The following ALG14 variants were observed in gnomAD, a reference collection of about 807,000 sequenced individuals.
ALG14 encodes ALG14 UDP-N-acetylglucosaminyltransferase subunit, also known as UDP-N-acetylglucosamine transferase subunit ALG14.
In ALG14, 17 loss-of-function variants were observed where a neutral mutation model predicts 22.8. The observed-to-expected ratio is 0.75, with a 90% CI of 0.51 to 1.12. The LOEUF is 1.12. ALG14 is among the 50% of genes most tolerant of loss of function. The probability of loss-of-function intolerance (pLI) is 0.00; values close to 1 mark genes in which losing one functional copy is unlikely to be tolerated. For synonymous variants in ALG14, 89 were observed against 103.7 expected (o/e 0.86, Z 0.86); for missense variants, 288 against 271.8 (o/e 1.06, Z -0.42).
intron 3 of ALG14, among the ~76,000 whole-genome samples, chr1:95,017,260 C>A (rs1278585195): frequency 6.6e-6 from 1 of 152,118 alleles, no homozygotes; most frequent in Non-Finnish European, 1.5e-5. Flanking sequence ...TAAGTTCCTA[C>A]ACATCTAACT....
chr1:95,029,248 T>C (rs948439351), intron 2 of ALG14, among the ~76,000 whole-genome samples: 1 of 152,194 alleles, frequency 6.6e-6, no homozygotes, highest in African/African-American at 2.4e-5. Flanking sequence ...TTGGTGTCCT[T>C]AGTTCCTTGC....
chr1:95,035,522 A>C (rs1481609324), intron 2 of ALG14, among the ~76,000 whole-genome samples: 1 of 152,208 alleles, frequency 6.6e-6, no homozygotes, highest in Admixed American at 6.5e-5. Flanking sequence ...AGAGACAAGA[A>C]AAGTAGGATG....
chr1:95,052,471 AT>A (rs1293705913), intron 2 of ALG14, among the ~76,000 whole-genome samples: 1 of 152,226 alleles, frequency 6.6e-6, no homozygotes, highest in African/African-American at 2.4e-5. Context: ...TGAGAAAAAA[AT>A]AAAATAAAAA....
chr1:95,055,036 T>C (rs1674881411), intron 2 of ALG14, among the ~76,000 whole-genome samples: 1 of 152,114 alleles, frequency 6.6e-6, no homozygotes, highest in Non-Finnish European at 1.5e-5. Context: ...ACAAATAAAA[T>C]GGGAACAACC....
chr1:95,012,663 G>A (rs913175827), intron 3 of ALG14, among the ~76,000 whole-genome samples: 6 of 152,128 alleles, frequency 3.9e-5, no homozygotes, highest in Non-Finnish European at 5.9e-5. Context: ...CATGGTCAAC[G>A]GGACCTGTTC....
rs992863211 is a variant in ALG14 at position 94,981,365 on chromosome 1, C to T, written c.*1711G>A. On this transcript the variant is annotated 3_prime_UTR_variant, in exon 4 of 4. Transcript: ENST00000370205. The stretch of plus-strand genomic sequence containing the variant: ...CACCATTCTGAGACACCTTCGGCTA[C>T]ACATTTCTCCAGCCAAAAACCTAGG... 11 of 151,620 alleles carry T rather than the reference C, an allele frequency of 7.3e-5. No homozygotes were observed. Among genetic ancestry groups the T allele is most frequent in the African/African-American group, 2.7e-4 (11 of 41,222 alleles). The allele number at this position is 151,620 out of a possible 1,614,324, so 9.4% of individuals were successfully genotyped here.
intron 1 of ALG14, chr1:95,067,292 TATTATTG>T (rs1675406177): frequency 6.6e-6 from 1 of 152,214 alleles, no homozygotes; most frequent in Non-Finnish European, 1.5e-5. Context: ...ATGCCACCCT[TATTATTG>T]ATCCCTGTAA....
intron 3 of ALG14, among the ~76,000 whole-genome samples, chr1:94,990,064 A>C (rs927458536): frequency 6.6e-6 from 1 of 152,250 alleles, no homozygotes; most frequent in Admixed American, 6.5e-5. Flanking sequence ...GGAAAGGATA[A>C]GCAAAAGGAC....
intron 3 of ALG14, among the ~76,000 whole-genome samples, chr1:95,004,624 C>G (rs992533969): frequency 4.7e-5 from 7 of 147,964 alleles, no homozygotes; most frequent in South Asian, 2.1e-4. Flanking sequence ...CTCAGCCTCC[C>G]GAGTAGCTGG....
intron 2 of ALG14, among the ~76,000 whole-genome samples, chr1:95,034,593 C>T (rs4131811): frequency 0.28 from 42,443 of 151,992 alleles, 6,546 homozygotes; most frequent in African/African-American, 0.42. Context: ...ATCTGGACTT[C>T]CCTAAAGTGA....
At chr1:95,032,173 G>T (rs1387004474) in intron 2 of ALG14, among the ~76,000 whole-genome samples, 1 of 147,168 alleles carries the variant, frequency 6.8e-6, no homozygotes, top group African/African-American at 2.5e-5. Flanking sequence ...ATAGTTTGTA[G>T]TAAAAAAAAA....
At position 95,043,881 on chromosome 1, in the gene ALG14, G is replaced by A. The variant is rs76258913; in HGVS notation, c.289-16621C>T. ...GGGAATGAGGGAGGAAGGGAGACAG[G>A]GAAGGAGGGAGAGAGAGTGCACAAG... On this transcript the variant is annotated intron_variant, in intron 2 of 3. Coordinates refer to ENST00000370205, the MANE Select transcript of ALG14 (RefSeq NM_144988.4). 2.7e-4 allele frequency among the ~76,000 whole-genome samples: 41 copies of A among 152,138 alleles called. No individual in the cohort carries two copies. The East Asian group carries it at 5.4e-3, about 20-fold the overall frequency.
In ALG14 at chr1:95,038,896, AC is replaced by A. The variant is rs200479314; in HGVS notation, c.289-11637del. The stretch of plus-strand genomic sequence containing the variant: ...ATCACATCTTGCTGATTTTAAAAAA[AC>A]TTTTTCTAAAGACGGGGTCTTCCTA... On this transcript the variant is annotated intron_variant, in intron 2 of 3. Transcript: ENST00000370205. Among the ~76,000 whole-genome samples the A allele has an allele frequency of 9.9e-3, 1,498 of 152,004 alleles. 24 individuals carry two copies. The highest frequency in any genetic ancestry group is 0.034 in the African/African-American group (1,395 of 41,468).
At chr1:95,022,178 T>C (rs777875154) in intron 3 of ALG14, 8 of 328,490 alleles carry the variant, frequency 2.4e-5, no homozygotes, top group Non-Finnish European at 3.5e-5. Context: ...TGGAGACGAA[T>C]CAAAACAACT....
intron 2 of ALG14, among the ~76,000 whole-genome samples, chr1:95,039,338 C>T (rs558113353): frequency 4.6e-5 from 7 of 152,094 alleles, no homozygotes; most frequent in East Asian, 1.9e-4. Flanking sequence ...GGAGAGGGCA[C>T]GACCAGAGAA....
At chr1:95,005,246 G>A (rs1280814206) in intron 3 of ALG14, among the ~76,000 whole-genome samples, 1 of 152,142 alleles carries the variant, frequency 6.6e-6, no homozygotes, top group Non-Finnish European at 1.5e-5. Flanking sequence ...AAATTTAGAG[G>A]GCTTGACACA....
chr1:95,027,694 C>G (rs559862351), intron 2 of ALG14, among the ~76,000 whole-genome samples: 1 of 152,208 alleles, frequency 6.6e-6, no homozygotes, highest in Non-Finnish European at 1.5e-5. Context: ...CAACAGAAAA[C>G]AAGTCATTTT....
intron 2 of ALG14, among the ~76,000 whole-genome samples, chr1:95,050,823 T>G (rs1386086607): frequency 6.6e-6 from 1 of 152,096 alleles, no homozygotes; most frequent in African/African-American, 2.4e-5. Flanking sequence ...GGCCCAGTTG[T>G]TAGTCTTCTT....
At chr1:95,050,241 G>A (rs1170170817) in intron 2 of ALG14, among the ~76,000 whole-genome samples, 1 of 152,162 alleles carries the variant, frequency 6.6e-6, no homozygotes, top group Non-Finnish European at 1.5e-5. Flanking sequence ...GTTCACTTAA[G>A]AAGTCCGAAA....
Sources: allele counts gnomAD v4.1 joint callset (sites outside exome capture counted in the v4.1 genomes callset), GRCh38; gene constraint gnomAD v4.1.1; transcripts MANE v1.5; gene names NCBI Gene and HGNC (gene_info 2026-07-23, HGNC 2026-07-21).